Variants in TMEM132D observed in about 807,000 individuals in gnomAD.
TMEM132D encodes the protein transmembrane protein 132D, also known as mature OL transmembrane protein.
Under a neutral mutation model 62.3 loss-of-function variants are expected in TMEM132D, and 21 were observed. The ratio of observed to expected loss-of-function variants is 0.34; its 90% CI spans 0.24 to 0.49. The LOEUF is 0.49. TMEM132D is among the 20% of genes least tolerant of loss of function. The pLI is 0.99. For missense variants in TMEM132D, 1,346 were observed against 1,402.8 expected (o/e 0.96, Z 0.65); for synonymous variants, 621 against 575.6 (o/e 1.08, Z -1.13).
intron 3 of TMEM132D, among the ~76,000 whole-genome samples, chr12:129,456,041 C>T (rs1382151377): frequency 6.6e-6 from 1 of 152,096 alleles, no homozygotes; most frequent in Non-Finnish European, 1.5e-5. Flanking sequence ...GAGATGTTAG[C>T]AGACAGAACC....
chr12:129,389,506 C>A (rs1871238326), intron 3 of TMEM132D, among the ~76,000 whole-genome samples: 1 of 152,066 alleles, frequency 6.6e-6, no homozygotes, highest in Non-Finnish European at 1.5e-5. Context: ...ATGCTATGTC[C>A]CAACACTAAC....
chr12:129,075,470 ATATT>A (rs1163831932), intron 8 of TMEM132D, among the ~76,000 whole-genome samples: 5 of 152,208 alleles, frequency 3.3e-5, no homozygotes, highest in African/African-American at 7.2e-5. Flanking sequence ...CAAATGAAAA[ATATT>A]TATTACATTA....
At chr12:129,234,059 A>T (rs1263746025) in intron 4 of TMEM132D, among the ~76,000 whole-genome samples, 1 of 152,210 alleles carries the variant, frequency 6.6e-6, no homozygotes, top group African/African-American at 2.4e-5. Context: ...ATGTGCATAA[A>T]CATAGGTTTT....
intron 4 of TMEM132D, among the ~76,000 whole-genome samples, chr12:129,299,104 C>A (rs1395739293): frequency 6.6e-6 from 1 of 152,110 alleles, no homozygotes; most frequent in East Asian, 1.9e-4. Context: ...CTCATCAGAG[C>A]CAAAGTGGTT....
At chr12:129,454,054 C>A (rs1342867644) in intron 3 of TMEM132D, among the ~76,000 whole-genome samples, 7 of 152,208 alleles carry the variant, frequency 4.6e-5, no homozygotes, top group African/African-American at 1.7e-4. Context: ...CACCACTTGG[C>A]TTACACCATG....
At chr12:129,413,703 G>C (rs1282039159) in intron 3 of TMEM132D, among the ~76,000 whole-genome samples, 1 of 152,120 alleles carries the variant, frequency 6.6e-6, no homozygotes, top group African/African-American at 2.4e-5. Context: ...CTGTGTGCCA[G>C]GTACTTTGCA....
chr12:129,901,871 C>G lies in TMEM132D; in HGVS notation c.79+1390G>C, dbSNP rs906996911. Among the ~76,000 whole-genome samples the G allele has an allele frequency of 7.8e-3, 577 of 73,782 alleles. 2 individuals carry two copies. Among genetic ancestry groups the G allele is most frequent in the African/African-American group, 0.029 (526 of 18,014 alleles). 48.4% of individuals were successfully genotyped at this position (73,782 alleles called of 152,430 possible). A position where few individuals can be genotyped will look rare whatever the true frequency, so the allele number is the denominator to read the frequency against. ...ACCAAGTGAGAACCAACCCCCCCCG[C>G]CCCAAAAAAAAAATGCTGGGCTGTT... On this transcript the variant is annotated intron_variant, in intron 1 of 8. Transcript: ENST00000422113.
chr12:129,124,296 C>T (rs1472571458), intron 5 of TMEM132D, among the ~76,000 whole-genome samples: 1 of 152,106 alleles, frequency 6.6e-6, no homozygotes, highest in East Asian at 1.9e-4. Context: ...CAAGACTCAC[C>T]TTGAACGTAG....
intron 3 of TMEM132D, among the ~76,000 whole-genome samples, chr12:129,475,731 T>G (rs1414928160): frequency 6.6e-6 from 1 of 152,226 alleles, no homozygotes; most frequent in Non-Finnish European, 1.5e-5. Flanking sequence ...CATCCCACTC[T>G]GCAGGCGTCC....
At chr12:129,841,726 TAATTGTATTTAAATGAG>T (rs1873199509) in intron 1 of TMEM132D, among the ~76,000 whole-genome samples, 1 of 152,184 alleles carries the variant, frequency 6.6e-6, no homozygotes, top group East Asian at 1.9e-4. Flanking sequence ...GCTAAAATAT[TAATTGTATTTAAATGAG>T]AATGTCCTCT....
rs985783591 is a variant in TMEM132D at position 129,073,729 on chromosome 12, G to A, written c.*146C>T. ...TGCGGACTCCAGGCCTCGCCGCCGAGCCGGGGTCATTGGCTGAGGCTGTAT... is the reference window on the plus strand; with the variant it reads ...TGCGGACTCCAGGCCTCGCCGCCGAACCGGGGTCATTGGCTGAGGCTGTAT... On this transcript the variant is annotated 3_prime_UTR_variant, in exon 9 of 9. Transcript: ENST00000422113. 3 of 703,454 alleles carry A rather than the reference G, an allele frequency of 4.3e-6. No homozygotes were observed. Among genetic ancestry groups the A allele is most frequent in the Non-Finnish European group, 4.6e-6 (2 of 436,128 alleles). The allele number at this position is 703,454 out of a possible 1,614,324, so 43.6% of individuals were successfully genotyped here.
At chr12:129,596,495 TACCAAAATCTGTGGAC>T (rs977139886) in intron 2 of TMEM132D, among the ~76,000 whole-genome samples, 184 of 152,308 alleles carry the variant, frequency 1.2e-3, no homozygotes, top group African/African-American at 4.3e-3. Flanking sequence ...GCCCTGCAGA[TACCAAAATCTGTGGAC>T]ACCAAAATCT....
chr12:129,875,413 C>T (rs1039380632), intron 1 of TMEM132D, among the ~76,000 whole-genome samples: 4 of 152,202 alleles, frequency 2.6e-5, no homozygotes, highest in Admixed American at 6.5e-5. Flanking sequence ...GCTGGAAAGC[C>T]GAGACCATGG....
chr12:129,473,324 G>GTTTTTTTTTTTTTTTTTT lies in TMEM132D; in HGVS notation c.1115+57717_1115+57734dup, dbSNP rs751523415. 1.5e-4 allele frequency among the ~76,000 whole-genome samples: 12 copies of GTTTTTTTTTTTTTTTTTT among 81,548 alleles called. 1 individual carries two copies. Among genetic ancestry groups the GTTTTTTTTTTTTTTTTTT allele is most frequent in the Non-Finnish European group, 1.9e-4 (9 of 46,168 alleles). The allele number at this position is 81,548 out of a possible 152,430, so 53.5% of individuals were successfully genotyped here. On this transcript the variant is annotated intron_variant, in intron 3 of 8. Coordinates refer to ENST00000422113, the MANE Select transcript of TMEM132D (RefSeq NM_133448.3). The stretch of plus-strand genomic sequence containing the variant: ...TGGCAATAAAGTGATTTTAGTTTTT[G>GTTTTTTTTTTTTTTTTTT]TTTTTTTTTTTTTTTTTTTTTTGAG...
chr12:129,127,500 A>G lies in TMEM132D; in HGVS notation c.1444-42798T>C, dbSNP rs181747747. ...TTTGTTCTTTGTTCATATATGAACG[A>G]AAGCAAACAAGCCCAATGCACAAGA... On this transcript the variant is annotated intron_variant, in intron 5 of 8. Coordinates refer to ENST00000422113, the MANE Select transcript of TMEM132D (RefSeq NM_133448.3). Among the ~76,000 whole-genome samples, 156 of 152,308 alleles carry G rather than the reference A, an allele frequency of 1.0e-3. 1 individual carries two copies. The highest frequency in any genetic ancestry group is 3.1e-3 in the African/African-American group (127 of 41,576).
chr12:129,273,430 C>T lies in TMEM132D; in HGVS notation c.1300-63767G>A, dbSNP rs543971554. Among the ~76,000 whole-genome samples, 486 of 116,584 alleles carry T rather than the reference C, an allele frequency of 4.2e-3. 2 individuals carry two copies. The highest frequency in any genetic ancestry group is 8.1e-3 in the Middle Eastern group (2 of 246). The allele number at this position is 116,584 out of a possible 152,430, so 76.5% of individuals were successfully genotyped here. A position where few individuals can be genotyped will look rare whatever the true frequency, so the allele number is the denominator to read the frequency against. On this transcript the variant is annotated intron_variant, in intron 4 of 8. Transcript: ENST00000422113. Reference sequence around the variant, plus strand: ...ATATACCCAAAGGAAAATAAATCAGCCTGTCAAAAAAAAAAAAAAAAAAAG... The same window carrying T: ...ATATACCCAAAGGAAAATAAATCAGTCTGTCAAAAAAAAAAAAAAAAAAAG...
At chr12:129,341,781 A>G (rs2135661957) in intron 3 of TMEM132D, among the ~76,000 whole-genome samples, 1 of 145,372 alleles carries the variant, frequency 6.9e-6, no homozygotes, top group African/African-American at 2.5e-5. Flanking sequence ...TACACCAATA[A>G]CAGACAAACA....
intron 3 of TMEM132D, among the ~76,000 whole-genome samples, chr12:129,412,850 T>C (rs912068999): frequency 5.3e-5 from 8 of 152,000 alleles, no homozygotes; most frequent in African/African-American, 1.9e-4. Flanking sequence ...CAAAACTCCA[T>C]CTCAACAGCA....
intron 4 of TMEM132D, among the ~76,000 whole-genome samples, chr12:129,222,919 A>AT (rs1258110210): frequency 2.0e-5 from 3 of 152,022 alleles, no homozygotes; most frequent in Non-Finnish European, 2.9e-5. Flanking sequence ...CACTACCAAA[A>AT]AAAGGTAACT....
Sources: allele counts gnomAD v4.1 joint callset (sites outside exome capture counted in the v4.1 genomes callset), GRCh38; gene constraint gnomAD v4.1.1; transcripts MANE v1.5; gene names NCBI Gene and HGNC (gene_info 2026-07-23, HGNC 2026-07-21).